The following FARP2 variants were observed in gnomAD, a reference collection of about 807,000 sequenced individuals.
FARP2 encodes FERM, ARH/RhoGEF and pleckstrin domain protein 2.
A neutral mutation model predicts 130.5 loss-of-function variants in FARP2; 111 were observed. The observed-to-expected ratio is 0.85, with a 90% CI of 0.73 to 1.00. The LOEUF is 1.00. Ranked by LOEUF, FARP2 falls within the 50% of genes least tolerant of loss-of-function variation. FARP2 has a pLI of 0.00. For missense variants in FARP2, 1,385 were observed against 1,346.3 expected, an observed-to-expected ratio of 1.03 and a Z score of -0.45; for synonymous variants, 504 against 516.9, an observed-to-expected ratio of 0.98 and a Z score of 0.34.
At chr2:241,418,841 C>T (rs2062741518) in intron 8 of FARP2, among the ~76,000 whole-genome samples, 1 of 152,148 alleles carries the variant, frequency 6.6e-6, no homozygotes, top group Admixed American at 6.5e-5. Context: ...CGGGGGCTCC[C>T]CAAGTCCCCT....
intron 8 of FARP2, among the ~76,000 whole-genome samples, chr2:241,425,739 CTCT>C (rs1184674160): frequency 1.8e-5 from 2 of 114,176 alleles, no homozygotes; most frequent in East Asian, 2.8e-4. Context: ...TTCTCTCTCT[CTCT>C]TTTTTTTTTT....
At chr2:241,478,861 C>T in intron 19 of FARP2, 1 of 385,392 alleles carries the variant, frequency 2.6e-6, no homozygotes, top group Admixed American at 3.6e-5. Flanking sequence ...GCTCTTCTTA[C>T]AACTATGGGA....
At chr2:241,437,933 G>A (rs2063285344) in intron 12 of FARP2, among the ~76,000 whole-genome samples, 3 of 151,910 alleles carry the variant, frequency 2.0e-5, no homozygotes, top group Admixed American at 6.6e-5. Flanking sequence ...CCAAAGTGCT[G>A]GGAATACAGG....
intron 6 of FARP2, among the ~76,000 whole-genome samples, 200 bp from the exon 7 acceptor site, chr2:241,413,107 C>A (rs2062566001): frequency 6.6e-6 from 1 of 152,126 alleles, no homozygotes; most frequent in Non-Finnish European, 1.5e-5. Flanking sequence ...TTCAAGAAAT[C>A]CTCTTCACTT....
chr2:241,393,365 G>A (rs2061956133), intron 2 of FARP2, among the ~76,000 whole-genome samples: 1 of 152,114 alleles, frequency 6.6e-6, no homozygotes, highest in South Asian at 2.1e-4. Flanking sequence ...TTGGTGTACA[G>A]TATTTTAGGA....
chr2:241,383,482 G>T (rs751380390), intron 2 of FARP2, among the ~76,000 whole-genome samples: 9 of 152,156 alleles, frequency 5.9e-5, no homozygotes, highest in Non-Finnish European at 1.2e-4. Flanking sequence ...CACGTTTGGG[G>T]ATTAGCAAGA....
At chr2:241,477,193 G>C (rs1407980247) in intron 19 of FARP2, among the ~76,000 whole-genome samples, 12 of 145,508 alleles carry the variant, frequency 8.2e-5, no homozygotes, top group African/African-American at 2.8e-4. Context: ...GCAGTGCCGC[G>C]ATCTTGGCTC....
At chr2:241,357,464 A>T (rs2061094839) in intron 1 of FARP2, among the ~76,000 whole-genome samples, 1 of 152,118 alleles carries the variant, frequency 6.6e-6, no homozygotes, top group African/African-American at 2.4e-5. Context: ...GCTTGTTGAA[A>T]GTTTTGTTTT....
chr2:241,466,142 T>C (rs992641701), intron 17 of FARP2: 4 of 1,070,074 alleles, frequency 3.7e-6, no homozygotes, highest in South Asian at 3.1e-5. Flanking sequence ...CAAATCTGGG[T>C]GTCAGAGGCC....
chr2:241,358,580 C>T (rs1453028900), intron 1 of FARP2, among the ~76,000 whole-genome samples: 1 of 152,188 alleles, frequency 6.6e-6, no homozygotes, highest in Non-Finnish European at 1.5e-5. Context: ...CTTGTCCTTT[C>T]AGTTTTGTTC....
intron 13 of FARP2, among the ~76,000 whole-genome samples, chr2:241,448,527 A>G (rs78047879): frequency 0.034 from 5,244 of 152,322 alleles, 294 homozygotes; most frequent in African/African-American, 0.12. Flanking sequence ...AAGTCAGAGC[A>G]TGCTTCTCAA....
chr2:241,493,524 G>A (rs2065008501), intron 26 of FARP2, 80 bp downstream of exon 26: 1 of 1,410,252 alleles, frequency 7.1e-7, no homozygotes, highest in Admixed American at 1.7e-5. Flanking sequence ...TGGTGGTGGA[G>A]GCAAGTTTTC....
rs765300901 is a variant in FARP2, at chr2:241,484,250, T to C, written c.2340T>C (p.Asp780=). The C allele has an allele frequency of 2.5e-6, 4 of 1,614,128 alleles. No individual in the cohort carries two copies. The highest frequency in any genetic ancestry group is 1.1e-5 in the South Asian group (1 of 91,084). Residue 780 remains aspartate, a synonymous_variant, in exon 21 of 27, where the codon GAT becomes GAC. Transcript: ENST00000264042. Reference sequence around the variant, plus strand: ...AGCTTGCTGCTTCTCAGTTCTCAGATATGTTGCTGTACACAAGCAAAGGAG... The same window carrying C: ...AGCTTGCTGCTTCTCAGTTCTCAGACATGTTGCTGTACACAAGCAAAGGAG... ...LQQRMFFLFS[D]MLLYTSKGVA...
rs371898891 is a variant in FARP2, at chr2:241,490,015, G to A, written c.2475G>A (p.Ala825=). ...TTCCACACTGTTTCACCATCTACGC[G>A]GCTCAGAAAACAATCGTGGTGGCAG... ...WSVPHCFTIY[A]AQKTIVVAAS... Residue 825 remains alanine, a synonymous_variant, in exon 22 of 27, where the codon GCG becomes GCA. Coordinates refer to ENST00000264042, the MANE Select transcript of FARP2 (RefSeq NM_014808.4). 5.7e-5 allele frequency: 92 copies of A among 1,613,954 alleles called. No individual in the cohort carries two copies. Among genetic ancestry groups the A allele is most frequent in the Non-Finnish European group, 7.0e-5 (83 of 1,179,872 alleles).
At position 241,361,028 on chromosome 2, in the gene FARP2, G is replaced by GA. The variant is rs55678832; in HGVS notation, c.-25+4654dup. ...GTTTCGCACAATTCCATTCAAAAAA[G>GA]AAAAAAAAAAAAAACACACATCTTA... On this transcript the variant is annotated intron_variant, in intron 1 of 26. Coordinates refer to ENST00000264042, the MANE Select transcript of FARP2 (RefSeq NM_014808.4). Among the ~76,000 whole-genome samples the GA allele has an allele frequency of 0.016, 2,010 of 124,496 alleles. 112 individuals carry two copies. The East Asian group carries it at 0.21, about 13-fold the overall frequency. The allele number at this position is 124,496 out of a possible 152,430, so 81.7% of individuals were successfully genotyped here. A position where few individuals can be genotyped will look rare whatever the true frequency, so the allele number is the denominator to read the frequency against.
chr2:241,416,254 G>A (rs3771563), intron 7 of FARP2, among the ~76,000 whole-genome samples: 3,974 of 152,000 alleles, frequency 0.026, 403 homozygotes, highest in Admixed American at 0.18. Context: ...ACATGTATCC[G>A]CTAAAAACCC....
Position 241,437,662 on chromosome 2 carries a change from A to ATTTTTTTTTTTTT in FARP2, c.1158+1127_1158+1128insTTTTTTTTTTTTT, listed in dbSNP as rs1254102658. The stretch of plus-strand genomic sequence containing the variant: ...TACATATATATATATTTATTTATTT[A>ATTTTTTTTTTTTT]TTTATTTATTTTTTTTTTTTGAGAC... On this transcript the variant is annotated intron_variant, in intron 12 of 26. Coordinates refer to ENST00000264042, the MANE Select transcript of FARP2 (RefSeq NM_014808.4). 6.3e-4 allele frequency among the ~76,000 whole-genome samples: 85 copies of ATTTTTTTTTTTTT among 135,396 alleles called. 1 individual carries two copies. The highest frequency in any genetic ancestry group is 4.6e-3 in the Admixed American group (52 of 11,368). The allele number at this position is 135,396 out of a possible 152,430, so 88.8% of individuals were successfully genotyped here.
At chr2:241,390,402 A>G (rs573616833) in intron 2 of FARP2, among the ~76,000 whole-genome samples, 63 of 152,282 alleles carry the variant, frequency 4.1e-4, no homozygotes, top group Admixed American at 7.8e-4. Context: ...CCCCTCTCCT[A>G]GGTTCCTCGT....
chr2:241,378,071 A>T (rs2061578451), intron 2 of FARP2, among the ~76,000 whole-genome samples: 1 of 151,898 alleles, frequency 6.6e-6, no homozygotes, highest in African/African-American at 2.4e-5. Context: ...GTAGTATCTC[A>T]TTGTGGTTTG....
Sources: gnomAD v4.1 joint callset for allele counts (sites outside exome capture counted in the v4.1 genomes callset) on GRCh38, gnomAD v4.1.1 for gene constraint, MANE v1.5 for transcripts, NCBI Gene and HGNC (gene_info 2026-07-23, HGNC 2026-07-21) for gene names.